The following TENM3 variants were observed in gnomAD, a reference collection of about 807,000 sequenced individuals.
The protein encoded by TENM3 is teneurin-3.
In TENM3, 63 loss-of-function variants were observed where a neutral mutation model predicts 255.1. The ratio of observed to expected loss-of-function variants is 0.25; its 90% CI spans 0.20 to 0.30. The LOEUF (loss-of-function observed/expected upper bound fraction) is 0.30, where lower values mean the gene tolerates loss of function less well. Among genes scored for constraint, TENM3 ranks in the 10% least tolerant of loss-of-function variants. The pLI is 1.00. For missense variants in TENM3, 2,929 were observed against 3,461.1 expected (o/e 0.85, Z 3.86); for synonymous variants, 1,306 against 1,322.3 (o/e 0.99, Z 0.27).
At chr4:181,882,176 T>G in the TENM3 span, among the ~76,000 whole-genome samples, 6 of 152,192 alleles carry the variant, frequency 3.9e-5, no homozygotes, top group Non-Finnish European at 8.8e-5. Context: ...TGTGACTTCA[T>G]TATGAGGAAA....
At chr4:182,535,090 C>T (rs759456009) in intron 3 of TENM3, among the ~76,000 whole-genome samples, 8 of 152,136 alleles carry the variant, frequency 5.3e-5, no homozygotes, top group Non-Finnish European at 1.2e-4. Context: ...CCTTTTAATA[C>T]ATACAGGTGG....
At chr4:181,536,943 T>C in the TENM3 span, among the ~76,000 whole-genome samples, 6 of 152,320 alleles carry the variant, frequency 3.9e-5, no homozygotes, top group East Asian at 3.9e-4. Context: ...GATTGCCTCA[T>C]AAAACCTTAA....
intron 3 of TENM3, among the ~76,000 whole-genome samples, chr4:182,569,560 A>AG (rs1553988609): frequency 7.6e-6 from 1 of 132,272 alleles, no homozygotes; most frequent in East Asian, 2.1e-4. Flanking sequence ...TCTCAAAAAA[A>AG]GAAAAAAAAA....
At position 182,714,086 on chromosome 4, in the gene TENM3, G is replaced by T; in HGVS notation, c.2222-1G>T. ...GGTGTTTTCCTTCTTTGTCTCGACAGAGGGTTGTCCTGGTCTGTGCAACAG... is the reference window on the plus strand; with the variant it reads ...GGTGTTTTCCTTCTTTGTCTCGACATAGGGTTGTCCTGGTCTGTGCAACAG... On this transcript the variant is annotated splice_acceptor_variant, in intron 12 of 27. Coordinates refer to ENST00000511685, the MANE Select transcript of TENM3 (RefSeq NM_001080477.4). LOFTEE classifies it high-confidence loss of function. 6.2e-7 allele frequency: 1 copy of T among 1,612,010 alleles called. No homozygotes were observed. The highest frequency in any genetic ancestry group is 1.1e-5 in the South Asian group (1 of 90,576).
the TENM3 span, among the ~76,000 whole-genome samples, chr4:182,046,373 C>T: frequency 6.6e-6 from 1 of 151,908 alleles, no homozygotes; most frequent in Admixed American, 6.6e-5. Context: ...AAAATTTGAT[C>T]AATCTACTAA....
chr4:182,547,806 A>G (rs1379156245), intron 3 of TENM3, among the ~76,000 whole-genome samples: 1 of 152,166 alleles, frequency 6.6e-6, no homozygotes, highest in Non-Finnish European at 1.5e-5. Flanking sequence ...CTTATTTAAA[A>G]TTTTCTGGGA....
At position 182,730,300 on chromosome 4, in the gene TENM3, A is replaced by G. The variant is rs780586443; in HGVS notation, c.2686A>G (p.Ile896Val). ...FFHYPEYGYT[I>V]TRQDGMFDLV... is the part of the protein sequence containing the mutation. ...CCATTACCCAGAATATGGATATACT[A>G]TTACCCGCCAGGACGGAATGTGAGT... Residue 896 changes from isoleucine (I) to valine (V), a missense_variant, in exon 15 of 28, where the codon ATT (isoleucine) becomes GTT (valine). Physicochemically the swap from Ile to Val is conservative, Grantham distance 29 (BLOSUM62 3). Coordinates refer to ENST00000511685, the MANE Select transcript of TENM3 (RefSeq NM_001080477.4). The G allele has an allele frequency of 1.9e-5, 31 of 1,613,650 alleles. No homozygotes were observed. The highest frequency in any genetic ancestry group is 2.3e-5 in the Non-Finnish European group (27 of 1,179,792).
chr4:182,169,054 T>C (rs923039319), intron 1 of TENM3, among the ~76,000 whole-genome samples: 2 of 145,068 alleles, frequency 1.4e-5, no homozygotes, highest in Admixed American at 7.1e-5. Flanking sequence ...TGGACAGATA[T>C]ATGTCATATA....
rs1470057217 is a variant in TENM3 at position 182,421,446 on chromosome 4, T to A, written c.511+74517T>A. On this transcript the variant is annotated intron_variant, in intron 3 of 27. Coordinates refer to ENST00000511685, the MANE Select transcript of TENM3 (RefSeq NM_001080477.4). Reference sequence around the variant, plus strand: ...CTTATTTCATGCTTTAGGTATGACTTTGAAAGATGAAATAAATGAGTTGTA... The same window carrying A: ...CTTATTTCATGCTTTAGGTATGACTATGAAAGATGAAATAAATGAGTTGTA... Among the ~76,000 whole-genome samples the A allele has an allele frequency of 2.6e-5, 4 of 152,306 alleles. No individual in the cohort carries two copies. In the East Asian group the frequency reaches 7.7e-4, roughly 29 times the overall value.
chr4:181,862,071 A>G, the TENM3 span, among the ~76,000 whole-genome samples: 1 of 152,142 alleles, frequency 6.6e-6, no homozygotes, highest in Non-Finnish European at 1.5e-5. Context: ...ATTTTGTGTT[A>G]ACGTTTAAGA....
chr4:181,913,310 G>C, the TENM3 span, among the ~76,000 whole-genome samples: 1 of 152,246 alleles, frequency 6.6e-6, no homozygotes, highest in African/African-American at 2.4e-5. Context: ...CATTTAATTT[G>C]GTCCTGTTGG....
chr4:181,673,242 C>A, the TENM3 span, among the ~76,000 whole-genome samples: 4 of 148,670 alleles, frequency 2.7e-5, no homozygotes, highest in African/African-American at 1.0e-4. Flanking sequence ...AAACATATTT[C>A]TATGGGGAAT....
intron 1 of TENM3, among the ~76,000 whole-genome samples, chr4:182,175,306 A>AT (rs1326077334): frequency 2.5e-5 from 2 of 80,492 alleles, no homozygotes; most frequent in Admixed American, 1.5e-4. Flanking sequence ...CTTCATTAAA[A>AT]AAAAAAAAAT....
the TENM3 span, among the ~76,000 whole-genome samples, chr4:181,921,138 C>CT: frequency 2.6e-5 from 4 of 151,998 alleles, no homozygotes; most frequent in African/African-American, 9.7e-5. Context: ...TTACTGTAGG[C>CT]TTGTAGTAGA....
At chr4:182,480,385 C>T (rs1338831183) in intron 3 of TENM3, among the ~76,000 whole-genome samples, 1 of 151,934 alleles carries the variant, frequency 6.6e-6, no homozygotes, top group Non-Finnish European at 1.5e-5. Flanking sequence ...CTCTTGGTAT[C>T]GTTAATTGTT....
chr4:182,587,343 G>A (rs919273850), intron 3 of TENM3, among the ~76,000 whole-genome samples: 31 of 152,182 alleles, frequency 2.0e-4, no homozygotes, highest in African/African-American at 5.1e-4. Context: ...TGAGGCAGGC[G>A]GATCACCTGA....
the TENM3 span, among the ~76,000 whole-genome samples, chr4:181,558,071 C>T: frequency 4.3e-3 from 657 of 152,216 alleles, 8 homozygotes; most frequent in South Asian, 0.045. Context: ...GGAGATGTGA[C>T]CCTCTAGAGA....
intron 1 of TENM3, among the ~76,000 whole-genome samples, chr4:182,250,502 G>C (rs1208287468): frequency 6.8e-6 from 1 of 147,038 alleles, no homozygotes; most frequent in East Asian, 1.9e-4. Flanking sequence ...AAAGGATAGA[G>C]TGAGATTTTG....
intron 18 of TENM3, among the ~76,000 whole-genome samples, chr4:182,742,405 T>G (rs1260588682): frequency 6.6e-6 from 1 of 152,226 alleles, no homozygotes; most frequent in Non-Finnish European, 1.5e-5. Context: ...TACAACAGTT[T>G]TGTTATGTTC....
Sources: allele counts gnomAD v4.1 joint callset (sites outside exome capture counted in the v4.1 genomes callset), GRCh38; gene constraint gnomAD v4.1.1; transcripts MANE v1.5; gene names NCBI Gene and HGNC (gene_info 2026-07-23, HGNC 2026-07-21).